MCTP1: variants seen among roughly 807,000 people sequenced by gnomAD.
The protein encoded by MCTP1 is multiple C2 and transmembrane domain containing 1.
A neutral mutation model predicts 120.6 loss-of-function variants in MCTP1; 69 were observed. The ratio of observed to expected loss-of-function variants is 0.57; its 90% CI spans 0.47 to 0.70. The LOEUF (loss-of-function observed/expected upper bound fraction) is 0.70, where lower values mean the gene tolerates loss of function less well. Among genes scored for constraint, MCTP1 ranks in the 30% least tolerant of loss-of-function variants. The probability of loss-of-function intolerance (pLI) is 0.00; values close to 1 mark genes in which losing one functional copy is unlikely to be tolerated. For missense variants in MCTP1, 1,203 were observed against 1,248.8 expected (o/e 0.96, Z 0.55); for synonymous variants, 529 against 493.1 (o/e 1.07, Z -0.96).
chr5:94,908,355 A>T (rs981095516), intron 10 of MCTP1, among the ~76,000 whole-genome samples: 3 of 151,980 alleles, frequency 2.0e-5, no homozygotes, highest in Non-Finnish European at 4.4e-5. Flanking sequence ...AAAATGATAT[A>T]TATATAACTG....
chr5:95,022,103 T>C (rs371263529), intron 1 of MCTP1, among the ~76,000 whole-genome samples: 25 of 152,208 alleles, frequency 1.6e-4, no homozygotes, highest in Non-Finnish European at 3.2e-4. Flanking sequence ...ATCATGATTA[T>C]GTTCAAAACC....
Position 95,073,577 on chromosome 5 carries a change from C to T in MCTP1, c.721-56093G>A, listed in dbSNP as rs372448116. ...CTTTCCAAGTGGTTATGCCCATACTCAAAAGGTTTCCCCAAGATATGGAAG... is the reference window on the plus strand; with the variant it reads ...CTTTCCAAGTGGTTATGCCCATACTTAAAAGGTTTCCCCAAGATATGGAAG... On this transcript the variant is annotated intron_variant, in intron 1 of 22. Coordinates refer to ENST00000515393, the MANE Select transcript of MCTP1 (RefSeq NM_024717.7). 2.6e-5 allele frequency among the ~76,000 whole-genome samples: 4 copies of T among 152,274 alleles called. No homozygotes were observed. The East Asian group carries it at 5.8e-4, about 22-fold the overall frequency.
At chr5:95,167,021 C>A (rs577716068) in intron 1 of MCTP1, among the ~76,000 whole-genome samples, 2 of 150,450 alleles carry the variant, frequency 1.3e-5, no homozygotes, top group East Asian at 4.0e-4. Flanking sequence ...CACCCATTAA[C>A]TCGTCATTTA....
At chr5:94,994,436 C>A (rs1832213709) in intron 2 of MCTP1, among the ~76,000 whole-genome samples, 2 of 152,240 alleles carry the variant, frequency 1.3e-5, no homozygotes, top group South Asian at 2.1e-4. Context: ...GTAAATAATC[C>A]TTTACTGAGA....
intron 2 of MCTP1, among the ~76,000 whole-genome samples, chr5:94,987,658 G>A (rs1221411818): frequency 6.6e-6 from 1 of 152,182 alleles, no homozygotes; most frequent in Non-Finnish European, 1.5e-5. Flanking sequence ...GCTTCACCTT[G>A]AGGCTTCCTC....
In MCTP1 at chr5:94,978,499, T is replaced by A. The variant is rs77892302; in HGVS notation, c.839-25138A>T. Among the ~76,000 whole-genome samples, 764 of 152,200 alleles carry A rather than the reference T, an allele frequency of 5.0e-3. 7 individuals carry two copies. Among genetic ancestry groups the A allele is most frequent in the African/African-American group, 0.017 (711 of 41,538 alleles). The stretch of plus-strand genomic sequence containing the variant: ...GCATAAAAAGAAGATGTGGTATATA[T>A]ATATAATGGAATATTATTCAGACTG... On this transcript the variant is annotated intron_variant, in intron 2 of 22. Transcript: ENST00000515393.
Position 94,852,807 on chromosome 5 carries a change from CA to C in MCTP1, c.2436+15525del, listed in dbSNP as rs1794007126. 2.0e-5 allele frequency among the ~76,000 whole-genome samples: 3 copies of C among 151,860 alleles called. No homozygotes were observed. In the South Asian group the frequency reaches 6.2e-4, roughly 32 times the overall value. Reference sequence around the variant, plus strand: ...CTAGACCTATCAGGTCTCTTTCTAGCAAGGGATGTTACTTTTATCTTTGTTA... The same window carrying C: ...CTAGACCTATCAGGTCTCTTTCTAGCAGGGATGTTACTTTTATCTTTGTTA... On this transcript the variant is annotated intron_variant, in intron 17 of 22. Coordinates refer to ENST00000515393, the MANE Select transcript of MCTP1 (RefSeq NM_024717.7).
chr5:95,104,577 G>A (rs1756961606), intron 1 of MCTP1, among the ~76,000 whole-genome samples: 1 of 152,126 alleles, frequency 6.6e-6, no homozygotes, highest in Non-Finnish European at 1.5e-5. Context: ...GTGGCACATA[G>A]GACCCTTCTT....
Position 95,284,448 on chromosome 5 carries a change from G to GCGCGCC in MCTP1, c.122_127dup (p.Gly41_Arg42dup). On this transcript the variant is annotated inframe_insertion, in exon 1 of 23. Coordinates refer to ENST00000515393, the MANE Select transcript of MCTP1 (RefSeq NM_024717.7). This position sits in a 1 kb window ranked among gnomAD's most constrained non-coding sequence, Gnocchi z 5.2. ...CGCAGTGCGGCGCTCTGGACCCCCA[G>GCGCGCC]CGCGCCCGCCCCCGCCGCCCTTGCT... The GCGCGCC allele has an allele frequency of 1.3e-6, 2 of 1,521,082 alleles. No individual in the cohort carries two copies. The highest frequency in any genetic ancestry group is 8.8e-7 in the Non-Finnish European group (1 of 1,142,410). 94.2% of individuals were successfully genotyped at this position (1,521,082 alleles called of 1,614,324 possible).
At chr5:95,044,998 T>C (rs1362919748) in intron 1 of MCTP1, among the ~76,000 whole-genome samples, 2 of 152,086 alleles carry the variant, frequency 1.3e-5, no homozygotes, top group African/African-American at 2.4e-5. Context: ...TGAACTTCCA[T>C]ACACTGAAAA....
chr5:94,991,942 C>T (rs1323035914), intron 2 of MCTP1, among the ~76,000 whole-genome samples: 1 of 152,072 alleles, frequency 6.6e-6, no homozygotes, highest in Non-Finnish European at 1.5e-5. Flanking sequence ...GAAATATCCT[C>T]AACATCAGAA....
intron 1 of MCTP1, among the ~76,000 whole-genome samples, chr5:95,094,198 T>G (rs1756054703): frequency 6.6e-6 from 1 of 152,228 alleles, no homozygotes; most frequent in Non-Finnish European, 1.5e-5. Flanking sequence ...CTGGAGTACC[T>G]TTTTAATGCT....
At chr5:95,276,061 C>T (rs1303493418) in intron 1 of MCTP1, among the ~76,000 whole-genome samples, 1 of 151,982 alleles carries the variant, frequency 6.6e-6, no homozygotes, top group African/African-American at 2.4e-5. Flanking sequence ...TAAGCAAATG[C>T]AGTTGATGGG....
At chr5:94,829,367 C>T (rs1404426577) in intron 17 of MCTP1, among the ~76,000 whole-genome samples, 1 of 152,216 alleles carries the variant, frequency 6.6e-6, no homozygotes, top group Non-Finnish European at 1.5e-5. Flanking sequence ...CACCTGCCTT[C>T]TGCGTTGGTC....
intron 1 of MCTP1, among the ~76,000 whole-genome samples, chr5:95,224,998 T>C (rs1754099021): frequency 6.6e-6 from 1 of 152,216 alleles, no homozygotes; most frequent in Admixed American, 6.5e-5. Flanking sequence ...AAGAACATAT[T>C]AAGAGGCTTT....
intron 13 of MCTP1, among the ~76,000 whole-genome samples, chr5:94,872,586 G>A (rs940381919): frequency 6.6e-6 from 1 of 152,080 alleles, no homozygotes; most frequent in South Asian, 2.1e-4. Flanking sequence ...TTACTATAGT[G>A]TAGCATTGGC....
At chr5:95,237,604 A>G (rs750696352) in intron 1 of MCTP1, among the ~76,000 whole-genome samples, 24 of 152,202 alleles carry the variant, frequency 1.6e-4, no homozygotes, top group Non-Finnish European at 1.5e-4. Context: ...AAGGGAGAGA[A>G]AGAGTCCATG....
At chr5:95,089,664 C>G (rs540368976) in intron 1 of MCTP1, among the ~76,000 whole-genome samples, 1 of 152,250 alleles carries the variant, frequency 6.6e-6, no homozygotes, top group Non-Finnish European at 1.5e-5. Context: ...TTAACTTAAA[C>G]CTGAATCCAG....
chr5:95,158,372 T>A (rs997653299), intron 1 of MCTP1, among the ~76,000 whole-genome samples: 2 of 152,182 alleles, frequency 1.3e-5, no homozygotes, highest in African/African-American at 4.8e-5. Flanking sequence ...ATCCTCTGGG[T>A]ACAAATTAAC....
Sources: allele counts gnomAD v4.1 joint callset (sites outside exome capture counted in the v4.1 genomes callset), GRCh38; gene constraint gnomAD v4.1.1; non-coding constraint Gnocchi (gnomAD v3.1); transcripts MANE v1.5; gene names NCBI Gene and HGNC (gene_info 2026-07-23, HGNC 2026-07-21).